Variants in SIPA1L1 observed in about 807,000 individuals in gnomAD.
SIPA1L1 encodes signal-induced proliferation-associated 1-like protein 1.
Under a neutral mutation model 162.7 loss-of-function variants are expected in SIPA1L1, and 26 were observed. That is an observed-to-expected ratio of 0.16 (90% CI 0.12 to 0.22). The LOEUF (loss-of-function observed/expected upper bound fraction) is 0.22. Ranked by LOEUF, SIPA1L1 falls within the 10% of genes least tolerant of loss-of-function variation. The pLI is 1.00. For synonymous variants in SIPA1L1, 829 were observed against 837.4 expected, an observed-to-expected ratio of 0.99 and a Z score of 0.17; for missense variants, 1,874 against 2,241.0, an observed-to-expected ratio of 0.84 and a Z score of 3.31.
chr14:71,662,967 C>T (rs1014914605), intron 10 of SIPA1L1, among the ~76,000 whole-genome samples: 1 of 152,156 alleles, frequency 6.6e-6, no homozygotes, highest in East Asian at 1.9e-4. Flanking sequence ...AAAGTTAAGC[C>T]CATTTTGAAT....
chr14:71,471,838 T>G (rs575296086), intron 2 of SIPA1L1, among the ~76,000 whole-genome samples: 2 of 152,158 alleles, frequency 1.3e-5, no homozygotes, highest in African/African-American at 4.8e-5. Flanking sequence ...TGGATGGCAT[T>G]TAAATCTTTG....
chr14:71,709,985 G>A (rs1943114485), intron 17 of SIPA1L1, among the ~76,000 whole-genome samples: 1 of 152,148 alleles, frequency 6.6e-6, no homozygotes, highest in African/African-American at 2.4e-5. Flanking sequence ...GTGAGTAATA[G>A]GGAATGTATA....
In SIPA1L1 at chr14:71,687,154, T is replaced by C. The variant is rs1307349530; in HGVS notation, c.3374+1523T>C. ...TAAAACAGACAAACCAAAAACATAG[T>C]CATCTTTCTACAACTTCTCATTTCA... On this transcript the variant is annotated intron_variant, in intron 13 of 23. Transcript: ENST00000381232. Among the ~76,000 whole-genome samples, 3 of 152,188 alleles carry C rather than the reference T, an allele frequency of 2.0e-5. No individual in the cohort carries two copies. In the East Asian group the frequency reaches 5.8e-4, roughly 29 times the overall value.
At chr14:71,452,648 C>G (rs2045914439) in intron 2 of SIPA1L1, among the ~76,000 whole-genome samples, 1 of 152,200 alleles carries the variant, frequency 6.6e-6, no homozygotes, top group Admixed American at 6.5e-5. Context: ...GATTCACTCT[C>G]ACACACAGTG....
At chr14:71,322,018 G>C (rs1269373071) in intron 2 of SIPA1L1, among the ~76,000 whole-genome samples, 3 of 152,186 alleles carry the variant, frequency 2.0e-5, no homozygotes, top group African/African-American at 7.2e-5. Flanking sequence ...TTTCCTGACG[G>C]GTAGTTTAGA....
intron 12 of SIPA1L1, among the ~76,000 whole-genome samples, chr14:71,682,098 G>T (rs766554371): frequency 3.4e-4 from 52 of 152,254 alleles, no homozygotes; most frequent in South Asian, 8.3e-4. Flanking sequence ...TTAAATCCTG[G>T]CTTTGCCACC....
At chr14:71,573,787 A>G (rs1337448751) in intron 4 of SIPA1L1, 2 of 449,544 alleles carry the variant, frequency 4.4e-6, no homozygotes, top group Non-Finnish European at 9.0e-6. Flanking sequence ...GTCACTGTTA[A>G]CAGTGGTTAC....
intron 7 of SIPA1L1, among the ~76,000 whole-genome samples, chr14:71,648,129 A>T (rs1358638873): frequency 6.6e-6 from 1 of 152,102 alleles, no homozygotes; most frequent in African/African-American, 2.4e-5. Flanking sequence ...ATCTCTACTA[A>T]AAATACAAAA....
intron 7 of SIPA1L1, among the ~76,000 whole-genome samples, chr14:71,629,394 T>G (rs1312079453): frequency 6.6e-6 from 1 of 152,154 alleles, no homozygotes; most frequent in Non-Finnish European, 1.5e-5. Flanking sequence ...ACAATTAGAG[T>G]CTGTGCAGGC....
intron 2 of SIPA1L1, among the ~76,000 whole-genome samples, chr14:71,353,212 C>G (rs1466695634): frequency 6.6e-6 from 1 of 152,216 alleles, no homozygotes; most frequent in Non-Finnish European, 1.5e-5. Context: ...CTTCCACTTG[C>G]TGGCTTGCCT....
At chr14:71,732,385 GGT>G (rs2084876144) in intron 20 of SIPA1L1, among the ~76,000 whole-genome samples, 1 of 152,110 alleles carries the variant, frequency 6.6e-6, no homozygotes, top group Non-Finnish European at 1.5e-5. Flanking sequence ...CTCGTGGAGT[GGT>G]GTGCTCTGCC....
chr14:71,711,641 C>T (rs922512389), intron 17 of SIPA1L1, among the ~76,000 whole-genome samples: 6 of 152,178 alleles, frequency 3.9e-5, no homozygotes, highest in African/African-American at 1.2e-4. Context: ...ACAGAATGTG[C>T]GGCTGTGCCA....
chr14:71,675,627 C>T (rs1163377279), intron 12 of SIPA1L1, among the ~76,000 whole-genome samples: 3 of 152,348 alleles, frequency 2.0e-5, no homozygotes, highest in Non-Finnish European at 2.9e-5. Context: ...GCACTTCACA[C>T]TCCCACTGCT....
At chr14:71,471,245 C>T (rs1031151398) in intron 2 of SIPA1L1, among the ~76,000 whole-genome samples, 6 of 152,074 alleles carry the variant, frequency 3.9e-5, no homozygotes, top group Admixed American at 1.3e-4. Flanking sequence ...CTGAGGCAGG[C>T]AGATCACGAG....
At chr14:71,737,275 A>T (rs1255572997) in intron 22 of SIPA1L1, among the ~76,000 whole-genome samples, 1 of 152,176 alleles carries the variant, frequency 6.6e-6, no homozygotes, top group African/African-American at 2.4e-5. Flanking sequence ...CTTTATTTTT[A>T]AAGTAAAGAA....
chr14:71,589,383 C>T lies in SIPA1L1; in HGVS notation c.1498+13C>T. 1 of 1,533,224 alleles carries T rather than the reference C, an allele frequency of 6.5e-7. No individual in the cohort carries two copies. Among genetic ancestry groups the T allele is most frequent in the Middle Eastern group, 2.2e-4 (1 of 4,600 alleles). 95.0% of individuals were successfully genotyped at this position (1,533,224 alleles called of 1,614,324 possible). On this transcript the variant is annotated intron_variant, in intron 5 of 23. Coordinates refer to ENST00000381232, the MANE Select transcript of SIPA1L1 (RefSeq NM_001386936.1). Reference sequence around the variant, plus strand: ...TTCTACCAGAAGGGTAAGTAGAGATCCTTTATTTCTTACATTTTCTTTTGC... The same window carrying T: ...TTCTACCAGAAGGGTAAGTAGAGATTCTTTATTTCTTACATTTTCTTTTGC...
At chr14:71,724,577 G>A (rs2150230130) in intron 18 of SIPA1L1, 93 bp from the exon 19 acceptor site, 1 of 935,622 alleles carries the variant, frequency 1.1e-6, no homozygotes, top group South Asian at 1.8e-5. Flanking sequence ...TTTCTCTATT[G>A]ACTTATATTG....
At chr14:71,400,481 G>C (rs1245020243) in intron 2 of SIPA1L1, among the ~76,000 whole-genome samples, 1 of 151,994 alleles carries the variant, frequency 6.6e-6, no homozygotes, top group Admixed American at 6.6e-5. Context: ...GAATCTTAGG[G>C]AATGTTTGGT....
intron 13 of SIPA1L1, among the ~76,000 whole-genome samples, chr14:71,690,437 A>G (rs1439713633): frequency 6.6e-6 from 1 of 151,946 alleles, no homozygotes; most frequent in Non-Finnish European, 1.5e-5. Flanking sequence ...TTATAGAGAC[A>G]GTGTCTCACT....
Sources: allele counts gnomAD v4.1 joint callset (sites outside exome capture counted in the v4.1 genomes callset), GRCh38; gene constraint gnomAD v4.1.1; transcripts MANE v1.5; gene names NCBI Gene and HGNC (gene_info 2026-07-23, HGNC 2026-07-21).